LSM5: variants seen among roughly 807,000 people sequenced by gnomAD.
LSM5 encodes the protein U6 snRNA-associated Sm-like protein LSm5.
Under a neutral mutation model 13.8 loss-of-function variants are expected in LSM5, and 8 were observed. That is an observed-to-expected ratio of 0.58 (90% CI 0.34 to 1.04). The LOEUF (loss-of-function observed/expected upper bound fraction) is 1.04, where lower values mean the gene tolerates loss of function less well. LSM5 is among the 50% of genes least tolerant of loss of function. LSM5 has a pLI of 0.03. For missense variants in LSM5, 80 were observed against 108.1 expected (o/e 0.74, Z 1.15); for synonymous variants, 35 against 37.0 (o/e 0.95, Z 0.20).
At chr7:32,494,335 T>G (rs6948708), upstream of LSM5, among the ~76,000 whole-genome samples, 151,777 of 152,360 alleles carry the variant, frequency 1, 75,601 homozygotes, top group Middle Eastern at 1. Flanking sequence ...ACAGTTTTCT[T>G]AGCCAATGCC....
intron 2 of LSM5, 144 bp downstream of exon 2, chr7:32,489,105 A>T: frequency 1.7e-6 from 1 of 585,620 alleles, no homozygotes; most frequent in Non-Finnish European, 3.0e-6. Flanking sequence ...CCGTCTTTCA[A>T]TACATACCTC....
chr7:32,494,590 T>C (rs941902520), upstream of LSM5, among the ~76,000 whole-genome samples: 2 of 152,258 alleles, frequency 1.3e-5, no homozygotes, highest in Non-Finnish European at 2.9e-5. Flanking sequence ...TTTAGGTTAT[T>C]TGAAAACTGT....
At chr7:32,488,954 G>T (rs1039372200) in intron 2 of LSM5, among the ~76,000 whole-genome samples, 3 of 151,956 alleles carry the variant, frequency 2.0e-5, no homozygotes, top group African/African-American at 7.2e-5. Context: ...CAAACTCCTG[G>T]GCTCAAGCGA....
chr7:32,489,312 G>A lies in LSM5; in HGVS notation c.79C>T (p.His27Tyr). 2 of 1,606,494 alleles carry A rather than the reference G, an allele frequency of 1.2e-6. No homozygotes were observed. The highest frequency in any genetic ancestry group is 1.7e-6 in the Non-Finnish European group (2 of 1,174,676). Residue 27 changes from histidine (H) to tyrosine (Y), a missense_variant, in exon 2 of 5, where the codon CAC (histidine) becomes TAC (tyrosine). Physicochemically the swap from His to Tyr is moderately conservative, Grantham distance 83 (BLOSUM62 2). Transcript: ENST00000450169. ...LVDKCIGSRI[H>Y]IVMKSDKEIV... ...TCCTTATCACTCTTCATCACGATGT[G>A]AATTCTTGATCCTATACATTTGTCC...
Position 32,486,926 on chromosome 7 carries a change from G to A in LSM5, c.*335C>T, listed in dbSNP as rs1400086605. 4.0e-6 allele frequency: 1 copy of A among 251,502 alleles called. No homozygotes were observed. Among genetic ancestry groups the A allele is most frequent in the African/African-American group, 2.3e-5 (1 of 43,818 alleles). 15.6% of individuals were successfully genotyped at this position (251,502 alleles called of 1,614,324 possible). A position where few individuals can be genotyped will look rare whatever the true frequency, so the allele number is the denominator to read the frequency against. On this transcript the variant is annotated 3_prime_UTR_variant, in exon 5 of 5. Coordinates refer to ENST00000450169, the MANE Select transcript of LSM5 (RefSeq NM_012322.3). ...ACAACTTTTGTTTGAGAATCAAATG[G>A]TCACGTAAATGACAAAACAAATAAG...
upstream of LSM5, among the ~76,000 whole-genome samples, chr7:32,494,766 T>C (rs1786697935): frequency 6.6e-6 from 1 of 152,156 alleles, no homozygotes; most frequent in Non-Finnish European, 1.5e-5. Context: ...CAAAATGAGA[T>C]GGAATGAAAA....
At chr7:32,491,196 G>C (rs1186252429), upstream of LSM5, among the ~76,000 whole-genome samples, 3 of 152,142 alleles carry the variant, frequency 2.0e-5, no homozygotes. Flanking sequence ...AGGAGTTCGA[G>C]ACCAGCCTGG....
At position 32,486,387 on chromosome 7, in the gene LSM5, GAA is replaced by G. The variant is rs1786448723; in HGVS notation, c.*872_*873del. On this transcript the variant is annotated 3_prime_UTR_variant, in exon 5 of 5. Transcript: ENST00000450169. ...AAAACGTGTACTGAGAGTGGACTGAGAAAGTCTACGAAGACATACAGCAAAGC... is the reference window on the plus strand; with the variant it reads ...AAAACGTGTACTGAGAGTGGACTGAGAGTCTACGAAGACATACAGCAAAGC... The G allele has an allele frequency of 6.6e-6, 1 of 152,210 alleles. No individual in the cohort carries two copies. Among genetic ancestry groups the G allele is most frequent in the Admixed American group, 6.5e-5 (1 of 15,278 alleles). The allele number at this position is 152,210 out of a possible 1,614,324, so 9.4% of individuals were successfully genotyped here.
At chr7:32,489,459 A>G in intron 1 of LSM5, 115 bp from the exon 2 acceptor site, 1 of 676,242 alleles carries the variant, frequency 1.5e-6, no homozygotes. Context: ...CATTCATTCA[A>G]TAACTTTAGG....
chr7:32,487,779 A>G, intron 3 of LSM5, 22 bp from the exon 4 acceptor site: 1 of 1,219,700 alleles, frequency 8.2e-7, no homozygotes, highest in Non-Finnish European at 1.2e-6. Context: ...GATAAAATAC[A>G]GTCAGGACAA....
intron 1 of LSM5, 116 bp downstream of exon 1, chr7:32,490,204 G>C (rs1786545920): frequency 6.3e-7 from 1 of 1,590,618 alleles, no homozygotes; most frequent in South Asian, 1.1e-5. Context: ...GAGTCGAACC[G>C]CATTTGGTCT....
chr7:32,491,289 C>A (rs1345347474), upstream of LSM5, among the ~76,000 whole-genome samples: 1 of 147,218 alleles, frequency 6.8e-6, no homozygotes, highest in Non-Finnish European at 1.5e-5. Flanking sequence ...CCCAGCTACT[C>A]GGGAGGCAGA....
rs1298289055 is a variant in LSM5, at chr7:32,486,736, T to C, written c.*525A>G. 6.2e-6 allele frequency: 1 copy of C among 161,278 alleles called. No homozygotes were observed. Among genetic ancestry groups the C allele is most frequent in the Non-Finnish European group, 1.3e-5 (1 of 74,644 alleles). The allele number at this position is 161,278 out of a possible 1,614,324, so 10.0% of individuals were successfully genotyped here. On this transcript the variant is annotated 3_prime_UTR_variant, in exon 5 of 5. Transcript: ENST00000450169. ...AATTCCTGCATTTCTACAATGTGCATATATTACCTGTACATTGTTTGTTTT... is the reference window on the plus strand; with the variant it reads ...AATTCCTGCATTTCTACAATGTGCACATATTACCTGTACATTGTTTGTTTT...
At chr7:32,494,588 AT>A (rs1786690021), upstream of LSM5, among the ~76,000 whole-genome samples, 1 of 152,244 alleles carries the variant, frequency 6.6e-6, no homozygotes, top group South Asian at 2.1e-4. Flanking sequence ...CCTTTAGGTT[AT>A]TTGAAAACTG....
At position 32,486,125 on chromosome 7, in the gene LSM5, T is replaced by G. The variant is rs927825565; in HGVS notation, c.*1136A>C. The stretch of plus-strand genomic sequence containing the variant: ...CAAACTTTTTCTTGGCAACACAATA[T>G]ATACCCTTTGATCTTACACATTTTT... On this transcript the variant is annotated 3_prime_UTR_variant, in exon 5 of 5. Coordinates refer to ENST00000450169, the MANE Select transcript of LSM5 (RefSeq NM_012322.3). 1 of 152,142 alleles carries G rather than the reference T, an allele frequency of 6.6e-6. No homozygotes were observed. Among genetic ancestry groups the G allele is most frequent in the Non-Finnish European group, 1.5e-5 (1 of 68,028 alleles). The allele number at this position is 152,142 out of a possible 1,614,324, so 9.4% of individuals were successfully genotyped here.
Position 32,488,609 on chromosome 7 carries a change from C to CT in LSM5, c.170+15dup. The CT allele has an allele frequency of 6.3e-7, 1 of 1,577,408 alleles. No homozygotes were observed. The highest frequency in any genetic ancestry group is 8.7e-7 in the Non-Finnish European group (1 of 1,148,048). ...AATTAAGAAGAGATTCCCCCCAATT[C>CT]TTTAACACTACTCACAACTCAGTGA... On this transcript the variant is annotated intron_variant, in intron 3 of 4. Coordinates refer to ENST00000450169, the MANE Select transcript of LSM5 (RefSeq NM_012322.3).
upstream of LSM5, chr7:32,490,515 T>TC: frequency 3.1e-6 from 2 of 648,686 alleles, no homozygotes; most frequent in Non-Finnish European, 5.6e-6. Context: ...CTGGCTTTTT[T>TC]CCCCGGCAAG....
At chr7:32,490,559 C>T (rs1786562008), upstream of LSM5, 4 of 604,140 alleles carry the variant, frequency 6.6e-6, no homozygotes, top group Admixed American at 8.8e-5. Context: ...GCCCACTGGA[C>T]ATTTTACCAT....
chr7:32,490,346 G>A lies in LSM5; in HGVS notation c.20C>T (p.Thr7Ile), dbSNP rs543837971. 24 of 1,614,162 alleles carry A rather than the reference G, an allele frequency of 1.5e-5. No homozygotes were observed. In the Admixed American group the frequency reaches 1.8e-4, roughly 12 times the overall value. MAANAT[T>I]NPSQLLPLEL... ...TAAGGGCAGCAGCTGCGACGGGTTG[G>A]TAGTAGCGTTAGCCGCCATGGCTAC... The change falls in exon 1 of 5, where the codon ACC (threonine) becomes ATC (isoleucine). Residue 7 changes from threonine (T) to isoleucine (I), a missense_variant. Coordinates refer to ENST00000450169, the MANE Select transcript of LSM5 (RefSeq NM_012322.3).
Sources: gnomAD v4.1 joint callset for allele counts (sites outside exome capture counted in the v4.1 genomes callset) on GRCh38, gnomAD v4.1.1 for gene constraint, MANE v1.5 for transcripts, NCBI Gene and HGNC (gene_info 2026-07-23, HGNC 2026-07-21) for gene names.